Variants in FOCAD observed in about 807,000 individuals in gnomAD.
The protein encoded by FOCAD is focadhesin, also known as KIAA1797.
FOCAD carries 198 observed loss-of-function variants against 225.6 expected under a neutral mutation model. That is an observed-to-expected ratio of 0.88 (90% CI 0.78 to 0.99). The LOEUF (loss-of-function observed/expected upper bound fraction) is 0.99. FOCAD is among the 50% of genes least tolerant of loss of function. FOCAD has a pLI of 0.00. For synonymous variants in FOCAD, 897 were observed against 755.0 expected (o/e 1.19, Z -3.08); for missense variants, 2,713 against 2,123.6 (o/e 1.28, Z -5.46).
intron 10 of FOCAD, among the ~76,000 whole-genome samples, chr9:20,782,592 A>G (rs1029777759): frequency 6.6e-6 from 1 of 152,186 alleles, no homozygotes; most frequent in East Asian, 1.9e-4. Context: ...GATTTACCAG[A>G]CTTTTTTTGT....
chr9:20,946,051 C>T (rs992863662), intron 29 of FOCAD, among the ~76,000 whole-genome samples: 1 of 151,170 alleles, frequency 6.6e-6, no homozygotes, highest in Non-Finnish European at 1.5e-5. Flanking sequence ...GGCTCCATTC[C>T]CACCATTGTT....
intron 4 of FOCAD, among the ~76,000 whole-genome samples, chr9:20,738,983 G>T (rs1452647643): frequency 6.6e-6 from 1 of 151,888 alleles, no homozygotes; most frequent in Non-Finnish European, 1.5e-5. Flanking sequence ...GTACTTACAG[G>T]ACATCTGAAT....
chr9:20,742,455 C>G (rs1048057185), intron 5 of FOCAD, among the ~76,000 whole-genome samples: 15 of 152,166 alleles, frequency 9.9e-5, no homozygotes, highest in African/African-American at 2.7e-4. Context: ...CTGCTTTTGC[C>G]CTACCACACT....
rs201863551 is a variant in FOCAD, at chr9:20,862,691, G to C, written c.2034G>C (p.Thr678=). ...TATTTTCTCTAGTTCCTTCCTTAAC[G>C]GTCAATACAACTGAATATGAGGTAT... is the stretch of plus-strand genomic sequence containing the variant. The part of the protein sequence containing the change: ...SELFSLVPSL[T]VNTTEYENFK... Residue 678 remains threonine (T), a synonymous_variant, in exon 16 of 44, where the codon ACG becomes ACC. Transcript: ENST00000338382. The C allele has an allele frequency of 3.7e-6, 6 of 1,612,268 alleles. No individual in the cohort carries two copies. The highest frequency in any genetic ancestry group is 5.1e-6 in the Non-Finnish European group (6 of 1,179,072).
At chr9:20,688,278 T>C (rs939898930) in intron 1 of FOCAD, among the ~76,000 whole-genome samples, 3 of 152,120 alleles carry the variant, frequency 2.0e-5, no homozygotes, top group African/African-American at 7.2e-5. Flanking sequence ...ACTCCGAAAA[T>C]GCAGTGCTGC....
chr9:20,975,621 A>G lies in FOCAD; in HGVS notation c.4133-799A>G, dbSNP rs938937648. ...GTACTAATGTAAAAGAAGTTACTTA[A>G]TTTGGAAAACTAGATAAAAAGACAA... On this transcript the variant is annotated intron_variant, in intron 35 of 43. Transcript: ENST00000338382. Among the ~76,000 whole-genome samples the G allele has an allele frequency of 7.2e-5, 11 of 152,224 alleles. 1 individual carries two copies. In the East Asian group the frequency reaches 1.9e-3, roughly 27 times the overall value.
intron 24 of FOCAD, among the ~76,000 whole-genome samples, chr9:20,921,338 G>A (rs1386833659): frequency 3.3e-5 from 5 of 152,222 alleles, no homozygotes; most frequent in South Asian, 2.1e-4. Flanking sequence ...TTAAAACGTC[G>A]GTGGTGTTGC....
intron 24 of FOCAD, among the ~76,000 whole-genome samples, chr9:20,921,616 C>A (rs1409759043): frequency 1.3e-5 from 2 of 152,128 alleles, no homozygotes; most frequent in Non-Finnish European, 2.9e-5. Flanking sequence ...GTAATTTGGC[C>A]TAGGGCTGCA....
intron 8 of FOCAD, among the ~76,000 whole-genome samples, chr9:20,773,588 A>G (rs1036233548): frequency 3.3e-5 from 5 of 152,024 alleles, no homozygotes; most frequent in African/African-American, 1.2e-4. Flanking sequence ...CCTATTCATA[A>G]CCTCCTTTTT....
chr9:20,778,102 A>G (rs555064407), intron 8 of FOCAD, among the ~76,000 whole-genome samples: 2 of 151,684 alleles, frequency 1.3e-5, no homozygotes, highest in Non-Finnish European at 3.0e-5. Flanking sequence ...AAAAAAAAAA[A>G]AAAAAAAAAA....
chr9:20,988,370 G>A lies in FOCAD; in HGVS notation c.4945G>A (p.Gly1649Ser), dbSNP rs1249628200. The A allele has an allele frequency of 1.2e-6, 2 of 1,611,928 alleles. No homozygotes were observed. The highest frequency in any genetic ancestry group is 3.4e-5 in the Admixed American group (2 of 59,600). Residue 1649 changes from glycine to serine, a missense_variant, in exon 41 of 44, where the codon GGT becomes AGT. Transcript: ENST00000338382. Reference sequence around the variant, plus strand: ...AATGGAGTGGCTCTTGGAACTGATGGGTTATATTAGAAATGTTGCTTACCA... The same window carrying A: ...AATGGAGTGGCTCTTGGAACTGATGAGTTATATTAGAAATGTTGCTTACCA... ...KRMEWLLELM[G>S]YIRNVAYQST...
At chr9:20,975,770 G>C (rs554097427) in intron 35 of FOCAD, among the ~76,000 whole-genome samples, 1 of 152,280 alleles carries the variant, frequency 6.6e-6, no homozygotes, top group South Asian at 2.1e-4. Context: ...CTCATGTTAA[G>C]TGAAACAAAC....
At chr9:20,979,211 T>G (rs1488928385) in intron 37 of FOCAD, among the ~76,000 whole-genome samples, 2 of 152,244 alleles carry the variant, frequency 1.3e-5, no homozygotes, top group Non-Finnish European at 2.9e-5. Flanking sequence ...GCTGTCATCT[T>G]TTAATTGTCT....
chr9:20,703,339 G>A (rs567135543), intron 1 of FOCAD, among the ~76,000 whole-genome samples: 2 of 152,260 alleles, frequency 1.3e-5, no homozygotes, highest in South Asian at 2.1e-4. Flanking sequence ...GGTTGTCGGG[G>A]TGGTTTAAGG....
intron 38 of FOCAD, among the ~76,000 whole-genome samples, chr9:20,982,077 T>A (rs962006748): frequency 1.3e-5 from 2 of 152,146 alleles, no homozygotes; most frequent in African/African-American, 4.8e-5. Context: ...AAAAGACCTC[T>A]GAATTGTAAT....
intron 2 of FOCAD, among the ~76,000 whole-genome samples, chr9:20,671,657 G>A (rs2131279748): frequency 6.6e-6 from 1 of 152,272 alleles, no homozygotes; most frequent in East Asian, 1.9e-4. Context: ...AGAGAGAAAA[G>A]AGAAAATGAG....
At chr9:20,761,513 C>A (rs990153753) in intron 6 of FOCAD, among the ~76,000 whole-genome samples, 9 of 151,984 alleles carry the variant, frequency 5.9e-5, no homozygotes, top group African/African-American at 2.2e-4. Flanking sequence ...CTCTGCCTCA[C>A]GGGTTCACGC....
At chr9:20,762,772 C>A (rs1285346702) in intron 6 of FOCAD, among the ~76,000 whole-genome samples, 2 of 152,036 alleles carry the variant, frequency 1.3e-5, no homozygotes, top group African/African-American at 2.4e-5. Flanking sequence ...TTCTGTCACC[C>A]CGTAGTGAAC....
chr9:20,903,443 A>G (rs568222508), intron 21 of FOCAD, among the ~76,000 whole-genome samples: 11 of 151,954 alleles, frequency 7.2e-5, no homozygotes, highest in South Asian at 6.2e-4. Flanking sequence ...CCTACAGTCT[A>G]TTGTCAACAG....
Sources: allele counts gnomAD v4.1 joint callset (sites outside exome capture counted in the v4.1 genomes callset), GRCh38; gene constraint gnomAD v4.1.1; transcripts MANE v1.5; gene names NCBI Gene and HGNC (gene_info 2026-07-23, HGNC 2026-07-21).